The following EFHC2 variants were observed in gnomAD, a reference collection of about 807,000 sequenced individuals.
EFHC2 encodes the protein EF-hand domain-containing family member C2.
Under a neutral mutation model 52.7 loss-of-function variants are expected in EFHC2, and 18 were observed. The ratio of observed to expected loss-of-function variants is 0.34; its 90% CI spans 0.24 to 0.51. EFHC2 has a LOEUF of 0.51. Among genes scored for constraint, EFHC2 ranks in the 20% least tolerant of loss-of-function variants. The probability of loss-of-function intolerance (pLI) is 0.97; values close to 1 mark genes in which losing one functional copy is unlikely to be tolerated. For synonymous variants in EFHC2, 203 were observed against 204.1 expected, an observed-to-expected ratio of 0.99 and a Z score of 0.04; for missense variants, 513 against 562.5, an observed-to-expected ratio of 0.91 and a Z score of 0.89.
chrX:44,303,852 A>G (rs1309230181), intron 2 of EFHC2, among the ~76,000 whole-genome samples: 1 of 110,488 alleles, frequency 9.1e-6, no homozygotes, highest in African/African-American at 3.3e-5. Flanking sequence ...CAATAGATGG[A>G]AAAAAAAAGA....
intron 4 of EFHC2, among the ~76,000 whole-genome samples, chrX:44,259,020 ACCATTTGACCCAGCAATC>A (rs2037516151): frequency 9.0e-6 from 1 of 111,244 alleles, no homozygotes; most frequent in Non-Finnish European, 1.9e-5. Context: ...AACCAGAAAT[ACCATTTGACCCAGCAATC>A]CCATTACTGG....
At chrX:44,178,641 A>T in intron 11 of EFHC2, 77 bp from the exon 12 acceptor site, 1 of 867,765 alleles carries the variant, frequency 1.2e-6, no homozygotes, top group East Asian at 3.5e-5. Flanking sequence ...TATTTAAAAG[A>T]TCCAAATTCC....
chrX:44,326,335 T>C (rs1465157459), intron 1 of EFHC2, among the ~76,000 whole-genome samples: 4 of 111,118 alleles, frequency 3.6e-5, no homozygotes, highest in African/African-American at 9.8e-5. Context: ...GTAGGATGAA[T>C]ATGTTTAACT....
intron 1 of EFHC2, among the ~76,000 whole-genome samples, chrX:44,326,239 G>A (rs1262501511): frequency 9.0e-6 from 1 of 110,715 alleles, no homozygotes; most frequent in Non-Finnish European, 1.9e-5. Context: ...GCTGGAAAGG[G>A]GAAGGAGAGG....
At chrX:44,211,728 T>C (rs1569284751) in intron 11 of EFHC2, among the ~76,000 whole-genome samples, 1 of 104,027 alleles carries the variant, frequency 9.6e-6, no homozygotes, top group Non-Finnish European at 2.0e-5. Context: ...AAAAATTAGC[T>C]GGGCGTGGTG....
At chrX:44,296,837 G>A (rs755411178) in intron 2 of EFHC2, among the ~76,000 whole-genome samples, 1 of 111,846 alleles carries the variant, frequency 8.9e-6, no homozygotes, top group East Asian at 2.8e-4. Flanking sequence ...CAGAACAATT[G>A]GAAAGAGCAA....
At chrX:44,290,377 C>A (rs1345749254) in intron 2 of EFHC2, among the ~76,000 whole-genome samples, 1 of 111,861 alleles carries the variant, frequency 8.9e-6, no homozygotes, top group Non-Finnish European at 1.9e-5. Flanking sequence ...TACTTCCTTA[C>A]ACAAAGCACA....
Position 44,164,120 on chromosome X carries a change from A to C in EFHC2, c.2043-93T>G, listed in dbSNP as rs533370239. The C allele has an allele frequency of 5.5e-4, 259 of 467,901 alleles. 1 individual carries two copies. In the South Asian group the frequency reaches 0.013, roughly 23 times the overall value. 38.6% of individuals were successfully genotyped at this position (467,901 alleles called of 1,213,427 possible). A position where few individuals can be genotyped will look rare whatever the true frequency, so the allele number is the denominator to read the frequency against. On this transcript the variant is annotated intron_variant, in intron 13 of 14. Coordinates refer to ENST00000420999, the MANE Select transcript of EFHC2 (RefSeq NM_025184.4). ...AATTTTATCATGAAAACATAATACC[A>C]TATATGCTTCAATATCTGATAGTTT...
intron 2 of EFHC2, chrX:44,284,900 C>T (rs766619302): frequency 5.5e-4 from 62 of 112,109 alleles, no homozygotes; most frequent in African/African-American, 1.3e-3. Flanking sequence ...AATTGAGCGC[C>T]CCTCTTCAGG....
Position 44,248,857 on chromosome X carries a change from T to A in EFHC2, c.918A>T (p.Ser306=). 1.7e-6 allele frequency: 2 copies of A among 1,210,687 alleles called. No homozygotes were observed. Among genetic ancestry groups the A allele is most frequent in the Non-Finnish European group, 2.2e-6 (2 of 895,077 alleles). ...CTTGGTTCTTTATAAAGTCACCATA[T>A]GAATTGAGAACTGCTCGATCTGTTA... ...GQITDRAVLN[S]YGDFIKNQAD... is the part of the protein sequence containing the mutation. Residue 306 remains serine, a synonymous_variant, in exon 6 of 15, where the codon TCA becomes TCT. Coordinates refer to ENST00000420999, the MANE Select transcript of EFHC2 (RefSeq NM_025184.4).
intron 11 of EFHC2, among the ~76,000 whole-genome samples, chrX:44,198,506 G>T (rs1359935897): frequency 9.0e-6 from 1 of 111,648 alleles, no homozygotes; most frequent in Non-Finnish European, 1.9e-5. Context: ...TGTAATTTTA[G>T]AGAGTCTTAT....
At chrX:44,178,223 T>A (rs2036805291) in intron 12 of EFHC2, 144 bp downstream of exon 12, 1 of 529,633 alleles carries the variant, frequency 1.9e-6, no homozygotes, top group East Asian at 3.8e-5. Context: ...GAAAATGATT[T>A]AAGGTGTTTG....
chrX:44,149,846 T>C (rs1489165558), intron 14 of EFHC2, among the ~76,000 whole-genome samples: 1 of 112,519 alleles, frequency 8.9e-6, no homozygotes, highest in African/African-American at 3.2e-5. Context: ...AACTGGTATC[T>C]ATACTGGCTG....
chrX:44,172,566 C>G (rs373899870), intron 13 of EFHC2, among the ~76,000 whole-genome samples: 1 of 111,620 alleles, frequency 9.0e-6, no homozygotes, highest in South Asian at 3.8e-4. Context: ...TTTGAGGCTG[C>G]AAAAATGAAC....
At chrX:44,186,157 T>C (rs759741531) in intron 11 of EFHC2, among the ~76,000 whole-genome samples, 1 of 111,836 alleles carries the variant, frequency 8.9e-6, no homozygotes, top group African/African-American at 3.2e-5. Context: ...TTCAGGCCTG[T>C]TTAAGTGTAG....
At chrX:44,336,418 A>C (rs1363819636) in intron 1 of EFHC2, among the ~76,000 whole-genome samples, 1 of 110,432 alleles carries the variant, frequency 9.1e-6, no homozygotes, top group Non-Finnish European at 1.9e-5. Flanking sequence ...AAAAGAGGAG[A>C]TACCACTATA....
intron 2 of EFHC2, among the ~76,000 whole-genome samples, chrX:44,302,496 G>T (rs780351619): frequency 8.9e-6 from 1 of 112,412 alleles, no homozygotes; most frequent in African/African-American, 3.2e-5. Flanking sequence ...TTCAAAAGAA[G>T]ATTAAAGAAA....
chrX:44,254,290 T>A (rs2037475771), intron 4 of EFHC2, among the ~76,000 whole-genome samples: 1 of 111,936 alleles, frequency 8.9e-6, no homozygotes, highest in South Asian at 3.7e-4. Flanking sequence ...TTGACAGAAG[T>A]AGGCTTCAGA....
intron 11 of EFHC2, among the ~76,000 whole-genome samples, chrX:44,205,685 C>T (rs1264289819): frequency 9.0e-6 from 1 of 111,310 alleles, no homozygotes; most frequent in Non-Finnish European, 1.9e-5. Context: ...TTTAACTATC[C>T]TAAATATATA....
Sources: gnomAD v4.1 joint callset for allele counts (sites outside exome capture counted in the v4.1 genomes callset) on GRCh38, gnomAD v4.1.1 for gene constraint, MANE v1.5 for transcripts, NCBI Gene and HGNC (gene_info 2026-07-23, HGNC 2026-07-21) for gene names.